Variants in DNMT1 observed in about 807,000 individuals in gnomAD.
The protein encoded by DNMT1 is DNA methyltransferase 1.
DNMT1 carries 24 observed loss-of-function variants against 205.3 expected under a neutral mutation model. The observed-to-expected ratio is 0.12, with a 90% CI of 0.08 to 0.16. The LOEUF is 0.16. Ranked by LOEUF, DNMT1 falls within the 10% of genes least tolerant of loss-of-function variation. DNMT1 has a pLI of 1.00. For missense variants in DNMT1, 1,293 were observed against 2,177.7 expected, an observed-to-expected ratio of 0.59 and a Z score of 8.09; for synonymous variants, 817 against 839.8, an observed-to-expected ratio of 0.97 and a Z score of 0.47.
chr19:10,140,747 C>T lies in DNMT1; in HGVS notation c.3523+34G>A. 2 of 1,613,878 alleles carry T rather than the reference C, an allele frequency of 1.2e-6. No homozygotes were observed. The highest frequency in any genetic ancestry group is 1.7e-6 in the Non-Finnish European group (2 of 1,179,894). Reference sequence around the variant, plus strand: ...TAGCACCTGCCCGGTCTGGGCTCACCAGGTATTCAGAGATGGAGCCTACGG... The same window carrying T: ...TAGCACCTGCCCGGTCTGGGCTCACTAGGTATTCAGAGATGGAGCCTACGG... On this transcript the variant is annotated intron_variant, in intron 32 of 40. Coordinates refer to ENST00000359526, the MANE Select transcript of DNMT1 (RefSeq NM_001130823.3). The surrounding 1 kb of genome is among the most constrained non-coding windows in gnomAD (Gnocchi z 8.4).
In DNMT1 at chr19:10,140,960, C is replaced by G. The variant is rs1193532451; in HGVS notation, c.3395-51G>C. The G allele has an allele frequency of 7.4e-6, 12 of 1,613,638 alleles. No individual in the cohort carries two copies. The highest frequency in any genetic ancestry group is 1.3e-5 in the African/African-American group (1 of 74,932). On this transcript the variant is annotated intron_variant, in intron 31 of 40. Coordinates refer to ENST00000359526, the MANE Select transcript of DNMT1 (RefSeq NM_001130823.3). This position sits in a 1 kb window ranked among gnomAD's most constrained non-coding sequence, Gnocchi z 8.4. ...ACCCGATCCTCAGAGTCCAAGTCCA[C>G]CTTGCTCTCAAGCGCCTTGTTAACT...
intron 29 of DNMT1, among the ~76,000 whole-genome samples, chr19:10,143,180 T>C (rs2089637415): frequency 6.6e-6 from 1 of 152,112 alleles, no homozygotes; most frequent in South Asian, 2.1e-4. Flanking sequence ...CAGTCATAGA[T>C]GGAGCTTGGG....
intron 13 of DNMT1, among the ~76,000 whole-genome samples, chr19:10,161,506 G>A (rs1174362877): frequency 2.0e-5 from 3 of 152,086 alleles, no homozygotes; most frequent in Admixed American, 6.6e-5. Flanking sequence ...AGTTAACTGG[G>A]TGTAGTGCCA....
rs2038699008 is a variant in DNMT1 at position 10,166,618 on chromosome 19, C to T, written c.871G>A (p.Asp291Asn). The change falls in exon 11 of 41, where the codon GAC (aspartate) becomes AAC (asparagine). Residue 291 changes from aspartate to asparagine, a missense_variant. By Grantham distance (23) the Asp-to-Asn change is conservative (BLOSUM62 1). Coordinates refer to ENST00000359526, the MANE Select transcript of DNMT1 (RefSeq NM_001130823.3). ...TTTACTTTCTCGTCTCCATCTTCGTCCTCGTCAGCCTGCACGCCTGCCCTG... is the reference window on the plus strand; with the variant it reads ...TTTACTTTCTCGTCTCCATCTTCGTTCTCGTCAGCCTGCACGCCTGCCCTG... ...EARAGVQADEDEDGDEKDEKK... is the reference protein window; with the variant it reads ...EARAGVQADENEDGDEKDEKK... 1 of 1,614,082 alleles carries T rather than the reference C, an allele frequency of 6.2e-7. No individual in the cohort carries two copies. Among genetic ancestry groups the T allele is most frequent in the African/African-American group, 1.3e-5 (1 of 74,942 alleles).
chr19:10,159,784 T>C lies in DNMT1; in HGVS notation c.1171-17A>G. The stretch of plus-strand genomic sequence containing the variant: ...CTCATCCACCTGAAGGACACGGGGC[T>C]GGTGAGCAGTGGGACAAGGGACAGG... On this transcript the variant is annotated splice_polypyrimidine_tract_variant and intron_variant, in intron 16 of 40. Transcript: ENST00000359526. This position sits in a 1 kb window ranked among gnomAD's most constrained non-coding sequence, Gnocchi z 5.0. The C allele has an allele frequency of 6.2e-7, 1 of 1,614,150 alleles. No individual in the cohort carries two copies. Among genetic ancestry groups the C allele is most frequent in the Non-Finnish European group, 8.5e-7 (1 of 1,180,014 alleles).
At chr19:10,163,617 A>G (rs2038627264) in intron 11 of DNMT1, among the ~76,000 whole-genome samples, 1 of 152,220 alleles carries the variant, frequency 6.6e-6, no homozygotes, top group African/African-American at 2.4e-5. Context: ...TGTTTTTGTA[A>G]GAGCCAGAGG....
chr19:10,187,410 C>T (rs1292132861), intron 1 of DNMT1, among the ~76,000 whole-genome samples: 2 of 152,066 alleles, frequency 1.3e-5, no homozygotes, highest in African/African-American at 2.4e-5. Flanking sequence ...CGAGACTAGC[C>T]TGGGCAACAG....
At chr19:10,182,228 AAG>A (rs1162379402) in intron 1 of DNMT1, 151 bp from the exon 2 acceptor site, 1 of 775,600 alleles carries the variant, frequency 1.3e-6, no homozygotes, top group African/African-American at 1.7e-5. Context: ...GTCTCCCCGC[AAG>A]AGTCTAGAGT....
chr19:10,182,415 GTGTATATATATGTGTGTATATATAT>G (rs2039072170), intron 1 of DNMT1, among the ~76,000 whole-genome samples: 1 of 58,124 alleles, frequency 1.7e-5, no homozygotes, highest in East Asian at 5.4e-4. Context: ...ACATATATAT[GTGTATATATATGTGTGTATATATAT>G]ACATATATAT....
chr19:10,136,939 C>T, intron 37 of DNMT1, 146 bp downstream of exon 37: 3 of 1,143,848 alleles, frequency 2.6e-6, no homozygotes, highest in Non-Finnish European at 3.8e-6. Context: ...TTTTACTACT[C>T]AACATGGTCA....
In DNMT1 at chr19:10,166,607, T is replaced by A. The variant is rs775284104; in HGVS notation, c.882A>T (p.Gly294=). Residue 294 remains glycine, a synonymous_variant, in exon 11 of 41, where the codon GGA becomes GGT. Coordinates refer to ENST00000359526, the MANE Select transcript of DNMT1 (RefSeq NM_001130823.3). ...AGVQADEDED[G]DEKDEKKHRS... ...AATAACCCGCCTTTACTTTCTCGTC[T>A]CCATCTTCGTCCTCGTCAGCCTGCA... The A allele has an allele frequency of 6.2e-7, 1 of 1,614,130 alleles. No homozygotes were observed. The highest frequency in any genetic ancestry group is 8.5e-7 in the Non-Finnish European group (1 of 1,180,002).
intron 17 of DNMT1, among the ~76,000 whole-genome samples, chr19:10,158,740 G>A (rs1183526115): frequency 6.6e-6 from 1 of 152,178 alleles, no homozygotes; most frequent in Non-Finnish European, 1.5e-5. Context: ...GCAAGGCCCT[G>A]TGTGGCCCAG....
chr19:10,153,592 G>A (rs2038393682), intron 22 of DNMT1, among the ~76,000 whole-genome samples: 1 of 151,354 alleles, frequency 6.6e-6, no homozygotes, highest in African/African-American at 2.4e-5. Context: ...AGCTGAGATG[G>A]TGCCACTGCA....
At position 10,146,342 on chromosome 19, in the gene DNMT1, G is replaced by T. The variant is rs766340147; in HGVS notation, c.2894+9C>A. On this transcript the variant is annotated intron_variant, in intron 28 of 40. Coordinates refer to ENST00000359526, the MANE Select transcript of DNMT1 (RefSeq NM_001130823.3). This position sits in a 1 kb window ranked among gnomAD's most constrained non-coding sequence, Gnocchi z 4.4. ...GCCCTGGCCCCGGCTGCTCCGAGGG[G>T]GCACTTACTTGAACGTGAAGGCCTC... The T allele has an allele frequency of 1.7e-5, 28 of 1,613,698 alleles. No homozygotes were observed. Among genetic ancestry groups the T allele is most frequent in the Non-Finnish European group, 2.3e-5 (27 of 1,179,984 alleles).
At position 10,146,213 on chromosome 19, in the gene DNMT1, C is replaced by A; in HGVS notation, c.2894+138G>T. The A allele has an allele frequency of 1.0e-6, 1 of 1,002,688 alleles. No homozygotes were observed. The highest frequency in any genetic ancestry group is 1.5e-6 in the Non-Finnish European group (1 of 687,286). The allele number at this position is 1,002,688 out of a possible 1,614,324, so 62.1% of individuals were successfully genotyped here. On this transcript the variant is annotated intron_variant, in intron 28 of 40. Coordinates refer to ENST00000359526, the MANE Select transcript of DNMT1 (RefSeq NM_001130823.3). This position sits in a 1 kb window ranked among gnomAD's most constrained non-coding sequence, Gnocchi z 4.4. Reference sequence around the variant, plus strand: ...CTACACGATTTATGTTGTCTGTTTGCCACCTATGCCAACGTGACGGCTAGG... The same window carrying A: ...CTACACGATTTATGTTGTCTGTTTGACACCTATGCCAACGTGACGGCTAGG...
At chr19:10,183,362 G>A (rs1040347102) in intron 1 of DNMT1, among the ~76,000 whole-genome samples, 6 of 151,912 alleles carry the variant, frequency 3.9e-5, no homozygotes, top group African/African-American at 1.5e-4. Context: ...CGATCCACCT[G>A]CCTCAGCCTC....
chr19:10,154,235 G>C lies in DNMT1; in HGVS notation c.2019+58C>G, dbSNP rs1464165445. 4 of 1,555,528 alleles carry C rather than the reference G, an allele frequency of 2.6e-6. No homozygotes were observed. The highest frequency in any genetic ancestry group is 3.5e-6 in the Non-Finnish European group (4 of 1,127,606). The stretch of plus-strand genomic sequence containing the variant: ...AGAGAGAAAGATGGAGCAGTCCTCA[G>C]ATCAGGCCAGAGGCTGGGCCACCTT... On this transcript the variant is annotated intron_variant, in intron 22 of 40. Coordinates refer to ENST00000359526, the MANE Select transcript of DNMT1 (RefSeq NM_001130823.3). The surrounding 1 kb of genome is among the most constrained non-coding windows in gnomAD (Gnocchi z 6.3).
chr19:10,158,587 G>A (rs1252087816), intron 17 of DNMT1, among the ~76,000 whole-genome samples: 1 of 152,222 alleles, frequency 6.6e-6, no homozygotes, highest in African/African-American at 2.4e-5. Flanking sequence ...TGCACCCGCA[G>A]GGAGAGGGAG....
rs545240098 is a variant in DNMT1, at chr19:10,141,967, T to C, written c.3309+61A>G. The C allele has an allele frequency of 2.1e-4, 331 of 1,593,092 alleles. No homozygotes were observed. In the African/African-American group the frequency reaches 4.0e-3, roughly 19 times the overall value. On this transcript the variant is annotated intron_variant, in intron 30 of 40. Transcript: ENST00000359526. ...AAGCCGCCTTGTGTATAACCCGACA[T>C]CAGACTCCTTCTGGCCAACTTTGAC...
Sources: allele counts gnomAD v4.1 joint callset (sites outside exome capture counted in the v4.1 genomes callset), GRCh38; gene constraint gnomAD v4.1.1; non-coding constraint Gnocchi (gnomAD v3.1); transcripts MANE v1.5; gene names NCBI Gene and HGNC (gene_info 2026-07-23, HGNC 2026-07-21).